Variants in SPTBN1 observed in about 807,000 individuals in gnomAD.
The protein encoded by SPTBN1 is spectrin beta, non-erythrocytic 1.
In SPTBN1, 32 loss-of-function variants were observed where a neutral mutation model predicts 266.4. That is an observed-to-expected ratio of 0.12 (90% CI 0.09 to 0.16). The LOEUF (loss-of-function observed/expected upper bound fraction) is 0.16, where lower values mean the gene tolerates loss of function less well. SPTBN1 is among the 10% of genes least tolerant of loss of function. The pLI, the probability that SPTBN1 is intolerant of heterozygous loss-of-function variation, is 1.00. For synonymous variants in SPTBN1, 1,336 were observed against 1,162.2 expected (o/e 1.15, Z -3.04); for missense variants, 2,296 against 3,067.1 (o/e 0.75, Z 5.94).
In SPTBN1 at chr2:54,558,196, G is replaced by A. The variant is rs1033015463; in HGVS notation, c.148+31630G>A. ...GGCCGGGGGTCGGCGGCTGCCGGGCGGCTGGGGCGACCGCGGACCGTGCGG... is the reference window on the plus strand; with the variant it reads ...GGCCGGGGGTCGGCGGCTGCCGGGCAGCTGGGGCGACCGCGGACCGTGCGG... On this transcript the variant is annotated intron_variant, in intron 2 of 35. Transcript: ENST00000356805. The surrounding 1 kb of genome is among the most constrained non-coding windows in gnomAD (Gnocchi z 4.6). 2 of 985,250 alleles carry A rather than the reference G, an allele frequency of 2.0e-6. No individual in the cohort carries two copies. Among genetic ancestry groups the A allele is most frequent in the African/African-American group, 3.5e-5 (2 of 57,230 alleles). The allele number at this position is 985,250 out of a possible 1,614,324, so 61.0% of individuals were successfully genotyped here.
At chr2:54,541,810 A>G (rs1427731331) in intron 2 of SPTBN1, among the ~76,000 whole-genome samples, 2 of 152,222 alleles carry the variant, frequency 1.3e-5, no homozygotes, top group East Asian at 3.8e-4. Flanking sequence ...AGGTATGTAT[A>G]TTTGAGAATA....
At chr2:54,587,963 T>C (rs1675400866) in intron 2 of SPTBN1, among the ~76,000 whole-genome samples, 1 of 152,182 alleles carries the variant, frequency 6.6e-6, no homozygotes, top group African/African-American at 2.4e-5. Flanking sequence ...AAATTTAAAA[T>C]AGTACCCAGT....
At position 54,558,170 on chromosome 2, in the gene SPTBN1, C is replaced by T. The variant is rs964321925; in HGVS notation, c.148+31604C>T. 2.4e-5 allele frequency: 24 copies of T among 985,272 alleles called. No homozygotes were observed. Among genetic ancestry groups the T allele is most frequent in the Non-Finnish European group, 2.5e-5 (21 of 829,910 alleles). The allele number at this position is 985,272 out of a possible 1,614,324, so 61.0% of individuals were successfully genotyped here. On this transcript the variant is annotated intron_variant, in intron 2 of 35. Coordinates refer to ENST00000356805, the MANE Select transcript of SPTBN1 (RefSeq NM_003128.3). The surrounding 1 kb of genome is among the most constrained non-coding windows in gnomAD (Gnocchi z 4.6). ...GCACTACCGCGGCGAGTCCAGGGCC[C>T]GGCCGGGGGTCGGCGGCTGCCGGGC...
chr2:54,525,998 C>T (rs1401539939), intron 1 of SPTBN1, among the ~76,000 whole-genome samples: 2 of 152,244 alleles, frequency 1.3e-5, no homozygotes, highest in African/African-American at 4.8e-5. Flanking sequence ...TCCTAAAGTG[C>T]TGGAATTACA....
intron 24 of SPTBN1, among the ~76,000 whole-genome samples, chr2:54,647,711 C>G (rs978625565): frequency 2.6e-5 from 4 of 152,122 alleles, no homozygotes; most frequent in African/African-American, 9.7e-5. Flanking sequence ...TGTGGTGGCA[C>G]ACGTCTGTAC....
chr2:54,474,590 T>C (rs571566565), intron 1 of SPTBN1, among the ~76,000 whole-genome samples: 2 of 152,296 alleles, frequency 1.3e-5, no homozygotes, highest in East Asian at 1.9e-4. Flanking sequence ...ACTATATTAA[T>C]AAAAACTTTA....
rs1372086150 is a variant in SPTBN1 at position 54,485,144 on chromosome 2, G to GCCTCTC, written c.-48+28649_-48+28654dup. 5.8e-3 allele frequency among the ~76,000 whole-genome samples: 603 copies of GCCTCTC among 104,452 alleles called. 3 individuals carry two copies. The highest frequency in any genetic ancestry group is 0.017 in the Middle Eastern group (4 of 238). The allele number at this position is 104,452 out of a possible 152,430, so 68.5% of individuals were successfully genotyped here. The stretch of plus-strand genomic sequence containing the variant: ...AAAAAATAAAATATTGAAAACAATC[G>GCCTCTC]CCTCTCCCTCTCCCTCTCCCTCTCC... On this transcript the variant is annotated intron_variant, in intron 1 of 35. Transcript: ENST00000356805.
chr2:54,571,600 C>CACAT (rs138829359), intron 2 of SPTBN1, among the ~76,000 whole-genome samples: 3 of 149,914 alleles, frequency 2.0e-5, no homozygotes, highest in African/African-American at 7.4e-5. Flanking sequence ...CACACACACA[C>CACAT]ATATCTATAA....
intron 1 of SPTBN1, among the ~76,000 whole-genome samples, chr2:54,465,050 TA>T (rs757955821): frequency 6.6e-6 from 1 of 152,194 alleles, no homozygotes; most frequent in African/African-American, 2.4e-5. Context: ...TTCTAATTTT[TA>T]AAAAGGAAAG....
chr2:54,563,569 T>C (rs1673462858), intron 2 of SPTBN1, among the ~76,000 whole-genome samples: 1 of 148,580 alleles, frequency 6.7e-6, no homozygotes, highest in Non-Finnish European at 1.5e-5. Flanking sequence ...ATTTTATACC[T>C]CTGAATCATG....
In SPTBN1 at chr2:54,566,600, G is replaced by A. The variant is rs1428427397; in HGVS notation, c.149-32492G>A. Among the ~76,000 whole-genome samples the A allele has an allele frequency of 8.5e-5, 13 of 152,240 alleles. No individual in the cohort carries two copies. In the East Asian group the frequency reaches 2.5e-3, roughly 29 times the overall value. On this transcript the variant is annotated intron_variant, in intron 2 of 35. Coordinates refer to ENST00000356805, the MANE Select transcript of SPTBN1 (RefSeq NM_003128.3). Reference sequence around the variant, plus strand: ...AATACCAGCTCTTTGGGAGGTCGAGGCAGGCAGATCACCTGAGGTCAGGAG... The same window carrying A: ...AATACCAGCTCTTTGGGAGGTCGAGACAGGCAGATCACCTGAGGTCAGGAG...
chr2:54,492,341 G>GTTTTTTTTTTTTTTTTTTTTTT (rs780631106), intron 1 of SPTBN1, among the ~76,000 whole-genome samples: 1 of 88,390 alleles, frequency 1.1e-5, no homozygotes, highest in Non-Finnish European at 2.3e-5. Flanking sequence ...GTCTGCAGTT[G>GTTTTTTTTTTTTTTTTTTTTTT]TTTTTTTGTT....
chr2:54,658,189 G>A, intron 30 of SPTBN1, 143 bp downstream of exon 30: 3 of 980,858 alleles, frequency 3.1e-6, no homozygotes, highest in Non-Finnish European at 4.5e-6. Flanking sequence ...CTTAAAATGG[G>A]TGGCTCCTGT....
chr2:54,473,197 T>TTA (rs1694012682), intron 1 of SPTBN1, among the ~76,000 whole-genome samples: 1 of 152,250 alleles, frequency 6.6e-6, no homozygotes, highest in Non-Finnish European at 1.5e-5. Context: ...TGTAAGTGCC[T>TTA]TATACAGAGA....
At chr2:54,658,442 CTGT>C (rs1680820717) in intron 30 of SPTBN1, among the ~76,000 whole-genome samples, 1 of 152,154 alleles carries the variant, frequency 6.6e-6, no homozygotes, top group African/African-American at 2.4e-5. Context: ...TAATCCTAGC[CTGT>C]TGTTAAGTCC....
Position 54,657,833 on chromosome 2 carries a change from C to T in SPTBN1, c.6047-17C>T, listed in dbSNP as rs571836053. 1 of 1,614,030 alleles carries T rather than the reference C, an allele frequency of 6.2e-7. No individual in the cohort carries two copies. The highest frequency in any genetic ancestry group is 8.5e-7 in the Non-Finnish European group (1 of 1,180,012). On this transcript the variant is annotated splice_polypyrimidine_tract_variant and intron_variant, in intron 29 of 35. Transcript: ENST00000356805. ...ACCTCCTGGTCAACGTGTACTAACT[C>T]ATGGTACCCTGTGCAGTTCTGGAGG...
intron 1 of SPTBN1, among the ~76,000 whole-genome samples, chr2:54,523,947 C>T (rs1670642293): frequency 6.6e-6 from 1 of 152,336 alleles, no homozygotes; most frequent in Admixed American, 6.5e-5. Context: ...CGCCTGTAAT[C>T]CCAGCACTTT....
rs1679829289 is a variant in SPTBN1, at chr2:54,645,063, A to T, written c.4270-166A>T. 3.1e-6 allele frequency: 2 copies of T among 645,052 alleles called. No homozygotes were observed. The highest frequency in any genetic ancestry group is 3.7e-5 in the African/African-American group (2 of 54,732). 40.0% of individuals were successfully genotyped at this position (645,052 alleles called of 1,614,324 possible). On this transcript the variant is annotated intron_variant, in intron 20 of 35. Coordinates refer to ENST00000356805, the MANE Select transcript of SPTBN1 (RefSeq NM_003128.3). The surrounding 1 kb of genome is among the most constrained non-coding windows in gnomAD (Gnocchi z 4.3). ...TGAATTTACCTCAGATTTACTTGAA[A>T]ACAGTTCCATTGATGTTGAAAAGCA...
chr2:54,570,352 G>A (rs1281758262), intron 2 of SPTBN1, among the ~76,000 whole-genome samples: 3 of 152,324 alleles, frequency 2.0e-5, no homozygotes, highest in Non-Finnish European at 4.4e-5. Context: ...CAAAGGCCTT[G>A]TGAAAGATCT....
Sources: allele counts gnomAD v4.1 joint callset (sites outside exome capture counted in the v4.1 genomes callset), GRCh38; gene constraint gnomAD v4.1.1; non-coding constraint Gnocchi (gnomAD v3.1); transcripts MANE v1.5; gene names NCBI Gene and HGNC (gene_info 2026-07-23, HGNC 2026-07-21).